Variants in STXBP5L observed in about 807,000 individuals in gnomAD.
STXBP5L encodes syntaxin-binding protein 5-like.
Under a neutral mutation model 144.5 loss-of-function variants are expected in STXBP5L, and 65 were observed. That is an observed-to-expected ratio of 0.45 (90% CI 0.37 to 0.55). The LOEUF is 0.55. Ranked by LOEUF, STXBP5L falls within the 20% of genes least tolerant of loss-of-function variation. STXBP5L has a pLI of 0.00. For missense variants in STXBP5L, 1,298 were observed against 1,405.5 expected (o/e 0.92, Z 1.22); for synonymous variants, 505 against 469.6 (o/e 1.08, Z -0.97).
chr3:121,084,472 C>T (rs902092299), intron 5 of STXBP5L, among the ~76,000 whole-genome samples: 4 of 152,268 alleles, frequency 2.6e-5, no homozygotes, highest in Non-Finnish European at 4.4e-5. Context: ...GTTTTCTGTT[C>T]CTGTGATACA....
chr3:121,233,158 T>C (rs2049361369), intron 11 of STXBP5L, among the ~76,000 whole-genome samples: 1 of 152,318 alleles, frequency 6.6e-6, no homozygotes, highest in East Asian at 1.9e-4. Flanking sequence ...GAATTGAAAG[T>C]AAACTTTTTA....
At chr3:120,993,469 G>A (rs1943087504) in intron 3 of STXBP5L, among the ~76,000 whole-genome samples, 1 of 151,960 alleles carries the variant, frequency 6.6e-6, no homozygotes, top group Non-Finnish European at 1.5e-5. Context: ...TAAGCATTTG[G>A]AGTTGAGTTT....
At chr3:121,284,359 A>G (rs1354252880) in intron 19 of STXBP5L, among the ~76,000 whole-genome samples, 2 of 152,032 alleles carry the variant, frequency 1.3e-5, no homozygotes, top group African/African-American at 4.8e-5. Flanking sequence ...TTCTATAGTA[A>G]GCCTTTCCTA....
intron 5 of STXBP5L, among the ~76,000 whole-genome samples, chr3:121,089,812 A>G (rs989788472): frequency 6.6e-6 from 1 of 151,944 alleles, no homozygotes; most frequent in African/African-American, 2.4e-5. Context: ...ATATTATTAC[A>G]TCCTCTAGGC....
chr3:121,124,536 T>C (rs1274307605), intron 7 of STXBP5L, among the ~76,000 whole-genome samples: 1 of 152,042 alleles, frequency 6.6e-6, no homozygotes, highest in Non-Finnish European at 1.5e-5. Flanking sequence ...CCTTATAGAA[T>C]TTATTGCTCT....
chr3:120,924,637 A>G (rs1048921129), intron 2 of STXBP5L: 1 of 152,368 alleles, frequency 6.6e-6, no homozygotes, highest in Non-Finnish European at 1.5e-5. Context: ...AGAGATTTCC[A>G]TTGGTCCTGT....
chr3:120,961,068 G>T (rs149493255), intron 3 of STXBP5L, among the ~76,000 whole-genome samples: 1 of 152,000 alleles, frequency 6.6e-6, no homozygotes. Flanking sequence ...TATATGTCTA[G>T]AAATTTATCA....
chr3:120,981,278 A>G (rs963931312), intron 3 of STXBP5L, among the ~76,000 whole-genome samples: 6 of 152,268 alleles, frequency 3.9e-5, no homozygotes, highest in Middle Eastern at 6.8e-3. Context: ...GTTTTCCTAA[A>G]TTATTCCCTC....
intron 2 of STXBP5L, among the ~76,000 whole-genome samples, chr3:120,953,280 T>C (rs920197094): frequency 1.3e-5 from 2 of 151,712 alleles, no homozygotes; most frequent in Non-Finnish European, 2.9e-5. Context: ...TATACAGTAA[T>C]TTTTTGCCAG....
intron 19 of STXBP5L, among the ~76,000 whole-genome samples, chr3:121,313,364 C>T (rs1228477208): frequency 4.5e-5 from 6 of 132,948 alleles, no homozygotes; most frequent in African/African-American, 1.2e-4. Flanking sequence ...ACCTCCCTCC[C>T]GGACTGGGCG....
In STXBP5L at chr3:121,421,913, G is replaced by A. The variant is rs1311109249; in HGVS notation, c.*2816G>A. ...GTGTCTTTCAAAATTGCTTTTATAAGCCCTTCCTTAACGTAAGGGTAACTT... is the reference window on the plus strand; with the variant it reads ...GTGTCTTTCAAAATTGCTTTTATAAACCCTTCCTTAACGTAAGGGTAACTT... On this transcript the variant is annotated 3_prime_UTR_variant, in exon 27 of 27. Coordinates refer to ENST00000471454, the MANE Select transcript of STXBP5L (RefSeq NM_001308330.2). 6.6e-6 allele frequency: 1 copy of A among 152,156 alleles called. No individual in the cohort carries two copies. Among genetic ancestry groups the A allele is most frequent in the East Asian group, 1.9e-4 (1 of 5,198 alleles). 9.4% of individuals were successfully genotyped at this position (152,156 alleles called of 1,614,324 possible).
chr3:121,316,015 G>T (rs1388429033), intron 19 of STXBP5L, among the ~76,000 whole-genome samples: 1 of 150,736 alleles, frequency 6.6e-6, no homozygotes, highest in Admixed American at 6.6e-5. Context: ...AAAAAAAAAG[G>T]AAGAAAAAAG....
At chr3:121,375,647 G>A (rs1038242202) in intron 20 of STXBP5L, among the ~76,000 whole-genome samples, 1 of 152,176 alleles carries the variant, frequency 6.6e-6, no homozygotes, top group African/African-American at 2.4e-5. Context: ...TTTGATAAAT[G>A]TTAACTCCCA....
At chr3:121,210,086 C>T (rs2108249575) in intron 10 of STXBP5L, among the ~76,000 whole-genome samples, 1 of 152,256 alleles carries the variant, frequency 6.6e-6, no homozygotes, top group East Asian at 1.9e-4. Flanking sequence ...CACATCCTCT[C>T]CAGCACCTGT....
chr3:121,185,092 C>T (rs1393584028), intron 9 of STXBP5L, among the ~76,000 whole-genome samples: 1 of 152,164 alleles, frequency 6.6e-6, no homozygotes, highest in African/African-American at 2.4e-5. Context: ...CCACTCCTGG[C>T]CACTGCAAAA....
intron 19 of STXBP5L, among the ~76,000 whole-genome samples, chr3:121,286,780 A>G (rs2051246883): frequency 6.6e-6 from 1 of 152,046 alleles, no homozygotes; most frequent in Admixed American, 6.6e-5. Flanking sequence ...CCCCCAAAAT[A>G]GACAAAATAA....
intron 5 of STXBP5L, among the ~76,000 whole-genome samples, chr3:121,113,200 A>T (rs2044074187): frequency 6.6e-6 from 1 of 152,180 alleles, no homozygotes. Flanking sequence ...ACTATGTAAT[A>T]TTGAGGTTTG....
At chr3:121,008,134 A>T (rs554220585) in intron 3 of STXBP5L, among the ~76,000 whole-genome samples, 60 of 151,852 alleles carry the variant, frequency 4.0e-4, no homozygotes, top group Non-Finnish European at 7.5e-4. Context: ...AGTACTTGTT[A>T]AGCTGTGCTT....
chr3:121,345,853 A>C (rs975165964), intron 20 of STXBP5L, among the ~76,000 whole-genome samples: 2 of 152,008 alleles, frequency 1.3e-5, no homozygotes, highest in African/African-American at 2.4e-5. Flanking sequence ...TATCTAAAGG[A>C]AATGTCACCT....
Sources: gnomAD v4.1 joint callset for allele counts (sites outside exome capture counted in the v4.1 genomes callset) on GRCh38, gnomAD v4.1.1 for gene constraint, MANE v1.5 for transcripts, NCBI Gene and HGNC (gene_info 2026-07-23, HGNC 2026-07-21) for gene names.